The following CTNNA3 variants were observed in gnomAD, a reference collection of about 807,000 sequenced individuals.
CTNNA3 encodes catenin alpha-3.
CTNNA3 carries 76 observed loss-of-function variants against 95.7 expected under a neutral mutation model. The ratio of observed to expected loss-of-function variants is 0.79; its 90% CI spans 0.66 to 0.96. The LOEUF (loss-of-function observed/expected upper bound fraction) is 0.96. CTNNA3 is among the 40% of genes least tolerant of loss of function. The pLI, the probability that CTNNA3 is intolerant of heterozygous loss-of-function variation, is 0.00. For synonymous variants in CTNNA3, 431 were observed against 374.4 expected (o/e 1.15, Z -1.74); for missense variants, 1,191 against 1,089.8 (o/e 1.09, Z -1.31).
At chr10:66,317,862 A>G (rs897868200) in intron 12 of CTNNA3, among the ~76,000 whole-genome samples, 1 of 151,980 alleles carries the variant, frequency 6.6e-6, no homozygotes, top group Non-Finnish European at 1.5e-5. Context: ...GCTCTCAATG[A>G]TTTTCGTTAA....
chr10:66,339,267 T>A (rs890058967), intron 12 of CTNNA3, among the ~76,000 whole-genome samples: 1 of 151,852 alleles, frequency 6.6e-6, no homozygotes, highest in Non-Finnish European at 1.5e-5. Flanking sequence ...TAAAACAATT[T>A]AGCTAGCTAT....
Position 66,019,957 on chromosome 10 carries a change from C to T in CTNNA3, c.2160-31160G>A, listed in dbSNP as rs148528221. Among the ~76,000 whole-genome samples the T allele has an allele frequency of 4.2e-3, 646 of 152,216 alleles. 5 individuals are homozygous for T. The highest frequency in any genetic ancestry group is 0.024 in the Middle Eastern group (7 of 286). ...ATAGATATGAGACCAACTTATTTAC[C>T]TCAGAGGAATTACAATGGAAATAGA... On this transcript the variant is annotated intron_variant, in intron 15 of 17. Transcript: ENST00000433211.
At chr10:67,094,572 C>T (rs1385427823) in intron 7 of CTNNA3, among the ~76,000 whole-genome samples, 2 of 151,790 alleles carry the variant, frequency 1.3e-5, no homozygotes, top group East Asian at 3.9e-4. Context: ...AAGCATGGTG[C>T]CTCATATATC....
chr10:67,203,541 C>T (rs1251188407), intron 6 of CTNNA3, among the ~76,000 whole-genome samples: 1 of 152,162 alleles, frequency 6.6e-6, no homozygotes, highest in Non-Finnish European at 1.5e-5. Context: ...GATATCTAAG[C>T]TATCTTGGGC....
chr10:66,118,981 G>A (rs2082456048), intron 13 of CTNNA3, among the ~76,000 whole-genome samples: 1 of 152,090 alleles, frequency 6.6e-6, no homozygotes, highest in African/African-American at 2.4e-5. Context: ...CTGGGCTCAA[G>A]CAATCCTGCC....
intron 13 of CTNNA3, among the ~76,000 whole-genome samples, chr10:66,120,305 C>T (rs2082523504): frequency 1.3e-5 from 2 of 152,104 alleles, no homozygotes; most frequent in Admixed American, 6.6e-5. Context: ...ATGTAAAGTA[C>T]TGAATATAGT....
intron 9 of CTNNA3, among the ~76,000 whole-genome samples, chr10:66,624,019 T>C (rs779143384): frequency 3.3e-5 from 5 of 152,160 alleles, no homozygotes; most frequent in Non-Finnish European, 7.3e-5. Flanking sequence ...TAAGATGTTC[T>C]GTAAAAATAG....
intron 17 of CTNNA3, among the ~76,000 whole-genome samples, chr10:65,961,758 TAA>T (rs35657395): frequency 2.1e-5 from 3 of 146,064 alleles, no homozygotes; most frequent in African/African-American, 2.5e-5. Context: ...GAATAGTTTG[TAA>T]AAAAAAAAAA....
chr10:66,671,221 A>C (rs949492207), intron 9 of CTNNA3, among the ~76,000 whole-genome samples: 1 of 152,188 alleles, frequency 6.6e-6, no homozygotes, highest in Admixed American at 6.5e-5. Context: ...AAAATATGTT[A>C]TAAGAGCATT....
intron 10 of CTNNA3, among the ~76,000 whole-genome samples, chr10:66,611,999 T>C (rs570955443): frequency 6.6e-6 from 1 of 152,148 alleles, no homozygotes; most frequent in Non-Finnish European, 1.5e-5. Flanking sequence ...CTGGATCTTC[T>C]GGTAGTAACT....
chr10:67,039,728 C>A (rs1854279385), intron 7 of CTNNA3, among the ~76,000 whole-genome samples: 1 of 152,038 alleles, frequency 6.6e-6, no homozygotes, highest in Non-Finnish European at 1.5e-5. Flanking sequence ...CAAAAATGCA[C>A]CTGCAAAATC....
At chr10:66,923,633 T>C (rs1256074496) in intron 7 of CTNNA3, among the ~76,000 whole-genome samples, 1 of 152,254 alleles carries the variant, frequency 6.6e-6, no homozygotes, top group African/African-American at 2.4e-5. Flanking sequence ...ATGAAATTTG[T>C]AGTTTAACTA....
intron 11 of CTNNA3, among the ~76,000 whole-genome samples, chr10:66,399,151 C>T (rs948698095): frequency 1.3e-5 from 2 of 152,034 alleles, no homozygotes; most frequent in African/African-American, 2.4e-5. Flanking sequence ...ATTACCCTTG[C>T]TTTCTTCATA....
chr10:66,407,902 TTTCA>T (rs1475075667), intron 11 of CTNNA3, among the ~76,000 whole-genome samples: 1 of 152,158 alleles, frequency 6.6e-6, no homozygotes, highest in Non-Finnish European at 1.5e-5. Context: ...TTTTAAATGT[TTTCA>T]TTCATTATTT....
intron 7 of CTNNA3, among the ~76,000 whole-genome samples, chr10:67,049,441 T>A (rs1334959339): frequency 6.6e-6 from 1 of 152,158 alleles, no homozygotes; most frequent in Non-Finnish European, 1.5e-5. Flanking sequence ...AGTATAATTA[T>A]TCTATAATCT....
intron 10 of CTNNA3, among the ~76,000 whole-genome samples, chr10:66,585,775 G>A (rs1843340972): frequency 6.6e-6 from 1 of 151,806 alleles, no homozygotes; most frequent in Admixed American, 6.6e-5. Flanking sequence ...ATCTTGATTT[G>A]GATCCACTGC....
chr10:66,899,020 A>T (rs1845614246), intron 7 of CTNNA3, among the ~76,000 whole-genome samples: 1 of 152,242 alleles, frequency 6.6e-6, no homozygotes, highest in Non-Finnish European at 1.5e-5. Context: ...TCAACAGCAG[A>T]AAACTAAATT....
intron 7 of CTNNA3, among the ~76,000 whole-genome samples, chr10:67,000,117 A>G (rs1167070099): frequency 1.3e-5 from 2 of 152,210 alleles, no homozygotes; most frequent in Non-Finnish European, 2.9e-5. Flanking sequence ...GGAAGGCTCT[A>G]TTGTAAAAAT....
At chr10:66,643,079 A>G (rs1845574289) in intron 9 of CTNNA3, among the ~76,000 whole-genome samples, 1 of 152,184 alleles carries the variant, frequency 6.6e-6, no homozygotes, top group African/African-American at 2.4e-5. Flanking sequence ...AGATCAGATT[A>G]TAACAAACTT....
Sources: gnomAD v4.1 joint callset for allele counts (sites outside exome capture counted in the v4.1 genomes callset) on GRCh38, gnomAD v4.1.1 for gene constraint, MANE v1.5 for transcripts, NCBI Gene and HGNC (gene_info 2026-07-23, HGNC 2026-07-21) for gene names.